Variants in CADM1 observed in about 807,000 individuals in gnomAD.
The protein encoded by CADM1 is cell adhesion molecule 1, also known as TSLC-1.
A neutral mutation model predicts 53.1 loss-of-function variants in CADM1; 15 were observed. The ratio of observed to expected loss-of-function variants is 0.28; its 90% CI spans 0.19 to 0.44. The LOEUF (loss-of-function observed/expected upper bound fraction) is 0.44, where lower values mean the gene tolerates loss of function less well. Among genes scored for constraint, CADM1 ranks in the 20% least tolerant of loss-of-function variants. The probability of loss-of-function intolerance (pLI) is 1.00; values close to 1 mark genes in which losing one functional copy is unlikely to be tolerated. For missense variants in CADM1, 434 were observed against 611.3 expected, an observed-to-expected ratio of 0.71 and a Z score of 3.06; for synonymous variants, 281 against 243.0, an observed-to-expected ratio of 1.16 and a Z score of -1.45.
rs1179156450 is a variant in CADM1 at position 115,214,750 on chromosome 11, A to G, written c.852T>C (p.Asp284=). 16 of 1,613,886 alleles carry G rather than the reference A, an allele frequency of 9.9e-6. No individual in the cohort carries two copies. In the Admixed American group the frequency reaches 1.0e-4, roughly 10 times the overall value. The stretch of plus-strand genomic sequence containing the variant: ...GTACGGCGTGTTGAGGCATTTCATC[A>G]TCGACTCTCACCCAAGTTACCATCA... The part of the protein sequence containing the change: ...QPVMVTWVRV[D]DEMPQHAVLS... The change falls in exon 7 of 12, where the codon GAT becomes GAC. Residue 284 remains aspartate, a synonymous_variant. Transcript: ENST00000331581.
intron 1 of CADM1, among the ~76,000 whole-genome samples, chr11:115,385,047 T>A (rs1241052768): frequency 6.6e-6 from 1 of 152,146 alleles, no homozygotes; most frequent in East Asian, 1.9e-4. Context: ...ATCACTCGCC[T>A]CCCTATACAG....
At chr11:115,301,664 G>C (rs1373929767) in intron 1 of CADM1, among the ~76,000 whole-genome samples, 3 of 152,018 alleles carry the variant, frequency 2.0e-5, no homozygotes, top group Non-Finnish European at 4.4e-5. Context: ...GGAATTCTAG[G>C]CTTAGACAGA....
At chr11:115,389,659 T>G (rs1238017982) in intron 1 of CADM1, among the ~76,000 whole-genome samples, 1 of 152,000 alleles carries the variant, frequency 6.6e-6, no homozygotes, top group Non-Finnish European at 1.5e-5. Flanking sequence ...CACAACTAAG[T>G]AAAACAGGCA....
At chr11:115,263,762 A>C (rs1943045016) in intron 1 of CADM1, among the ~76,000 whole-genome samples, 1 of 152,260 alleles carries the variant, frequency 6.6e-6, no homozygotes, top group South Asian at 2.1e-4. Context: ...CTAAGTTATC[A>C]AGAACCACTG....
At chr11:115,280,505 C>A (rs561011120) in intron 1 of CADM1, among the ~76,000 whole-genome samples, 2 of 152,254 alleles carry the variant, frequency 1.3e-5, no homozygotes, top group South Asian at 4.1e-4. Flanking sequence ...AAGCAGGAAA[C>A]AGAAAGAACA....
Position 115,235,129 on chromosome 11 carries a change from A to G in CADM1, c.424+3371T>C, listed in dbSNP as rs1186974394. Among the ~76,000 whole-genome samples, 5 of 152,006 alleles carry G rather than the reference A, an allele frequency of 3.3e-5. No homozygotes were observed. The South Asian group carries it at 1.0e-3, about 32-fold the overall frequency. On this transcript the variant is annotated intron_variant, in intron 3 of 11. Transcript: ENST00000331581. Reference sequence around the variant, plus strand: ...AAAATAAAATCTGATATTGTGAATCATAATAGTTTATTGATATGTTACAAA... The same window carrying G: ...AAAATAAAATCTGATATTGTGAATCGTAATAGTTTATTGATATGTTACAAA...
In CADM1 at chr11:115,463,335, T is replaced by G. The variant is rs73581173; in HGVS notation, c.124+40936A>C. Among the ~76,000 whole-genome samples the G allele has an allele frequency of 2.0e-3, 311 of 152,284 alleles. 1 individual carries two copies. The highest frequency in any genetic ancestry group is 7.4e-3 in the African/African-American group (306 of 41,562). ...CTCCAGAAAAAAGAACAGCTCAGACTAGCTACCAATGTCAACATTTGTTAA... is the reference window on the plus strand; with the variant it reads ...CTCCAGAAAAAAGAACAGCTCAGACGAGCTACCAATGTCAACATTTGTTAA... On this transcript the variant is annotated intron_variant, in intron 1 of 11. Coordinates refer to ENST00000331581, the MANE Select transcript of CADM1 (RefSeq NM_001301043.2).
At chr11:115,417,742 T>C (rs770492363) in intron 1 of CADM1, among the ~76,000 whole-genome samples, 2 of 152,160 alleles carry the variant, frequency 1.3e-5, no homozygotes, top group Non-Finnish European at 2.9e-5. Context: ...CCATTTAAAA[T>C]TTATAAATTG....
chr11:115,344,599 T>C (rs540942590), intron 1 of CADM1, among the ~76,000 whole-genome samples: 130 of 152,182 alleles, frequency 8.5e-4, no homozygotes, highest in Non-Finnish European at 1.3e-3. Context: ...ATCCTTCCTA[T>C]AGTAGTGTAC....
At chr11:115,430,744 C>G (rs911794547) in intron 1 of CADM1, among the ~76,000 whole-genome samples, 2 of 152,218 alleles carry the variant, frequency 1.3e-5, no homozygotes, top group African/African-American at 4.8e-5. Context: ...TCATTTCATT[C>G]AATAGTTACC....
intron 1 of CADM1, among the ~76,000 whole-genome samples, chr11:115,325,580 T>C (rs1944938769): frequency 6.6e-6 from 1 of 152,210 alleles, no homozygotes; most frequent in African/African-American, 2.4e-5. Flanking sequence ...TGACTTCTAC[T>C]CGGCACAATT....
chr11:115,209,594 G>C lies in CADM1; in HGVS notation c.1058C>G (p.Thr353Ser). 1 of 1,103,396 alleles carries C rather than the reference G, an allele frequency of 9.1e-7. No individual in the cohort carries two copies. The highest frequency in any genetic ancestry group is 1.2e-6 in the Non-Finnish European group (1 of 803,958). The allele number at this position is 1,103,396 out of a possible 1,614,324, so 68.4% of individuals were successfully genotyped here. A position where few individuals can be genotyped will look rare whatever the true frequency, so the allele number is the denominator to read the frequency against. The stretch of plus-strand genomic sequence containing the variant: ...CATACCTGTGATGATGGTAAGGATG[G>C]TGGTGGTGGTGGTGGTGGTGGTGGT... Reference protein sequence around the residue: ...TTTTTTTTTTTILTIITDTTA... With the variant: ...TTTTTTTTTTSILTIITDTTA... Residue 353 changes from threonine to serine, a missense_variant, in exon 8 of 12, where the codon ACC becomes AGC. Coordinates refer to ENST00000331581, the MANE Select transcript of CADM1 (RefSeq NM_001301043.2).
At chr11:115,469,529 G>A (rs960241214) in intron 1 of CADM1, among the ~76,000 whole-genome samples, 1 of 152,146 alleles carries the variant, frequency 6.6e-6, no homozygotes, top group Non-Finnish European at 1.5e-5. Flanking sequence ...GCTTTAGGAT[G>A]ACATGAAACT....
chr11:115,260,687 T>TATTTA (rs1240976756), intron 1 of CADM1, among the ~76,000 whole-genome samples: 4 of 152,072 alleles, frequency 2.6e-5, no homozygotes, highest in Non-Finnish European at 5.9e-5. Context: ...TTATTTATTT[T>TATTTA]TTTCAGACGG....
intron 9 of CADM1, among the ~76,000 whole-genome samples, chr11:115,195,552 A>G (rs1003560261): frequency 6.6e-6 from 1 of 152,230 alleles, no homozygotes; most frequent in African/African-American, 2.4e-5. Context: ...ACCTTTCAAC[A>G]TTTCTAGGCC....
At chr11:115,188,724 G>A (rs550669788) in intron 10 of CADM1, among the ~76,000 whole-genome samples, 27 of 152,208 alleles carry the variant, frequency 1.8e-4, no homozygotes, top group African/African-American at 3.4e-4. Flanking sequence ...GGTGTTAACC[G>A]GTTTGTCTTG....
At chr11:115,246,764 A>T (rs1942421552) in intron 1 of CADM1, among the ~76,000 whole-genome samples, 2 of 152,240 alleles carry the variant, frequency 1.3e-5, no homozygotes, top group African/African-American at 4.8e-5. Flanking sequence ...AGCATTTATA[A>T]CACTGTATCC....
chr11:115,479,985 T>C (rs1415816166), intron 1 of CADM1, among the ~76,000 whole-genome samples: 1 of 152,202 alleles, frequency 6.6e-6, no homozygotes. Flanking sequence ...TAAATCCTCT[T>C]GAAATATGGA....
chr11:115,281,413 T>C (rs1943580831), intron 1 of CADM1, among the ~76,000 whole-genome samples: 1 of 152,260 alleles, frequency 6.6e-6, no homozygotes, highest in Non-Finnish European at 1.5e-5. Flanking sequence ...ATGCTATTTT[T>C]ACATCTTGCA....
Sources: gnomAD v4.1 joint callset for allele counts (sites outside exome capture counted in the v4.1 genomes callset) on GRCh38, gnomAD v4.1.1 for gene constraint, MANE v1.5 for transcripts, NCBI Gene and HGNC (gene_info 2026-07-23, HGNC 2026-07-21) for gene names.